Variants in CAMTA1 observed in about 807,000 individuals in gnomAD.
CAMTA1 encodes calmodulin binding transcription activator 1, also known as calmodulin-binding transcription activator 1.
CAMTA1 carries 27 observed loss-of-function variants against 170.9 expected under a neutral mutation model. The observed-to-expected ratio is 0.16, with a 90% CI of 0.12 to 0.22. The LOEUF (loss-of-function observed/expected upper bound fraction) is 0.22, where lower values mean the gene tolerates loss of function less well. CAMTA1 is among the 10% of genes least tolerant of loss of function. The pLI is 1.00. For synonymous variants in CAMTA1, 833 were observed against 891.5 expected, an observed-to-expected ratio of 0.93 and a Z score of 1.17; for missense variants, 1,619 against 2,217.2, an observed-to-expected ratio of 0.73 and a Z score of 5.42.
intron 6 of CAMTA1, among the ~76,000 whole-genome samples, chr1:7,558,498 TC>T: frequency 6.8e-6 from 1 of 148,060 alleles, no homozygotes; most frequent in South Asian, 2.1e-4. Context: ...GGCTCCCTTC[TC>T]CAGGGAAAAG....
chr1:7,074,473 A>G (rs1236800715), intron 3 of CAMTA1, among the ~76,000 whole-genome samples: 1 of 152,146 alleles, frequency 6.6e-6, no homozygotes, highest in African/African-American at 2.4e-5. Flanking sequence ...CCCAAATCCA[A>G]CTGCTGTTAA....
chr1:6,811,619 A>G (rs1291498699), intron 1 of CAMTA1, among the ~76,000 whole-genome samples: 2 of 152,196 alleles, frequency 1.3e-5, no homozygotes, highest in African/African-American at 2.4e-5. Context: ...ATAATGAAGC[A>G]TATTAGAGCT....
chr1:7,155,136 C>T (rs552659365), intron 4 of CAMTA1, among the ~76,000 whole-genome samples: 1 of 152,200 alleles, frequency 6.6e-6, no homozygotes, highest in South Asian at 2.1e-4. Flanking sequence ...CAGAGAGGTC[C>T]CTGGGAAGCC....
intron 3 of CAMTA1, among the ~76,000 whole-genome samples, chr1:7,086,903 G>T (rs887912778): frequency 6.6e-6 from 1 of 152,168 alleles, no homozygotes; most frequent in African/African-American, 2.4e-5. Flanking sequence ...TTGAGCACCT[G>T]TTTTCACTTC....
intron 5 of CAMTA1, among the ~76,000 whole-genome samples, chr1:7,425,046 A>G (rs2091802799): frequency 6.6e-6 from 1 of 151,984 alleles, no homozygotes; most frequent in South Asian, 2.1e-4. Flanking sequence ...AGCACTGCTT[A>G]TTTACTTTTG....
chr1:7,277,666 T>C (rs1308466588), intron 5 of CAMTA1, among the ~76,000 whole-genome samples: 1 of 152,258 alleles, frequency 6.6e-6, no homozygotes, highest in East Asian at 1.9e-4. Flanking sequence ...GAATTTATAT[T>C]TATTGTAGAA....
rs2095706573 is a variant in CAMTA1 at position 7,635,655 on chromosome 1, T to G, written c.511-4745T>G. On this transcript the variant is annotated intron_variant, in intron 6 of 22. Transcript: ENST00000303635. This position sits in a 1 kb window ranked among gnomAD's most constrained non-coding sequence, Gnocchi z 4.4. ...CAGGGCCCTGGCGGGGTCTGTCCCC[T>G]GCCGTGACTCTCAGATCCAGGCCCA... Among the ~76,000 whole-genome samples the G allele has an allele frequency of 6.7e-6, 1 of 150,284 alleles. No individual in the cohort carries two copies.
chr1:7,604,623 G>T (rs1036338143), intron 6 of CAMTA1, among the ~76,000 whole-genome samples: 1 of 151,998 alleles, frequency 6.6e-6, no homozygotes, highest in Non-Finnish European at 1.5e-5. Context: ...CCATGGGTTC[G>T]AACTTCCTCC....
Position 7,224,205 on chromosome 1 carries a change from T to A in CAMTA1, c.303-25286T>A, listed in dbSNP as rs1237211304. On this transcript the variant is annotated intron_variant, in intron 4 of 22. Transcript: ENST00000303635. This position sits in a 1 kb window ranked among gnomAD's most constrained non-coding sequence, Gnocchi z 5.2. Reference sequence around the variant, plus strand: ...ATGATGCTCTGCCAGGTGGAGGCCTTAGGTCTTGTCAGTCTCCTTTTACTG... The same window carrying A: ...ATGATGCTCTGCCAGGTGGAGGCCTAAGGTCTTGTCAGTCTCCTTTTACTG... 2.6e-5 allele frequency among the ~76,000 whole-genome samples: 4 copies of A among 152,190 alleles called. No homozygotes were observed. Among genetic ancestry groups the A allele is most frequent in the Admixed American group, 2.6e-4 (4 of 15,284 alleles).
At chr1:6,963,521 C>T (rs1220636919) in intron 3 of CAMTA1, among the ~76,000 whole-genome samples, 35 of 152,240 alleles carry the variant, frequency 2.3e-4, no homozygotes, top group Non-Finnish European at 8.8e-5. Flanking sequence ...GATTAAATGC[C>T]TCTAAAGGAG....
chr1:6,856,318 C>T (rs1430548986), intron 3 of CAMTA1, among the ~76,000 whole-genome samples: 2 of 145,304 alleles, frequency 1.4e-5, no homozygotes, highest in Non-Finnish European at 3.0e-5. Flanking sequence ...AATTATGATG[C>T]TTCCCCCTGC....
chr1:7,198,935 C>T (rs1263143766), intron 4 of CAMTA1, among the ~76,000 whole-genome samples: 2 of 152,184 alleles, frequency 1.3e-5, no homozygotes, highest in Non-Finnish European at 2.9e-5. Flanking sequence ...TTCTTCCCTA[C>T]TCCTGACCTT....
rs1194315986 is a variant in CAMTA1, at chr1:7,500,208, T to C, written c.510+32307T>C. Among the ~76,000 whole-genome samples the C allele has an allele frequency of 1.4e-3, 199 of 139,520 alleles. 2 individuals are homozygous for C. The highest frequency in any genetic ancestry group is 4.2e-3 in the Middle Eastern group (1 of 240). 91.5% of individuals were successfully genotyped at this position (139,520 alleles called of 152,430 possible). On this transcript the variant is annotated intron_variant, in intron 6 of 22. Transcript: ENST00000303635. ...GGATGGTGTGAGCCTGGTGTGCGTGTGTATGTATATGAGTGTATGTGTGTT... is the reference window on the plus strand; with the variant it reads ...GGATGGTGTGAGCCTGGTGTGCGTGCGTATGTATATGAGTGTATGTGTGTT...
rs975563646 is a variant in CAMTA1 at position 7,050,620 on chromosome 1, T to C, written c.235-40684T>C. Among the ~76,000 whole-genome samples, 12 of 152,010 alleles carry C rather than the reference T, an allele frequency of 7.9e-5. No individual in the cohort carries two copies. Among genetic ancestry groups the C allele is most frequent in the Non-Finnish European group, 1.8e-4 (12 of 67,996 alleles). ...TCGGCAGTACCAGGCTATTTGAACA[T>C]GTCTTTGTAGGTTTATCACCAAGGT... On this transcript the variant is annotated intron_variant, in intron 3 of 22. Coordinates refer to ENST00000303635, the MANE Select transcript of CAMTA1 (RefSeq NM_015215.4). This position sits in a 1 kb window ranked among gnomAD's most constrained non-coding sequence, Gnocchi z 4.8.
At chr1:7,087,577 T>C (rs1029829236) in intron 3 of CAMTA1, among the ~76,000 whole-genome samples, 12 of 152,130 alleles carry the variant, frequency 7.9e-5, no homozygotes, top group African/African-American at 2.7e-4. Flanking sequence ...TTCAGAGCAG[T>C]GGTGCAGAAT....
intron 6 of CAMTA1, among the ~76,000 whole-genome samples, chr1:7,536,373 G>T (rs186668895): frequency 6.6e-6 from 1 of 152,192 alleles, no homozygotes; most frequent in Admixed American, 6.5e-5. Flanking sequence ...ATCAAAGGAC[G>T]GGGAGGAGGT....
chr1:6,798,602 T>G (rs1466715879), intron 1 of CAMTA1, among the ~76,000 whole-genome samples: 10 of 96,390 alleles, frequency 1.0e-4, no homozygotes, highest in East Asian at 7.9e-4. Context: ...TTTTTTTTTT[T>G]TTTTTGAGAC....
chr1:6,788,748 C>T (rs894841383), intron 1 of CAMTA1, among the ~76,000 whole-genome samples: 1 of 151,914 alleles, frequency 6.6e-6, no homozygotes, highest in Non-Finnish European at 1.5e-5. Flanking sequence ...CCGTGCAAGG[C>T]GCAGTGGAAG....
chr1:6,941,921 C>CT (rs1416825348), intron 3 of CAMTA1, among the ~76,000 whole-genome samples: 1 of 152,214 alleles, frequency 6.6e-6, no homozygotes, highest in Non-Finnish European at 1.5e-5. Flanking sequence ...AATGCAGCCA[C>CT]TGAAGAGCCT....
Sources: allele counts gnomAD v4.1 joint callset (sites outside exome capture counted in the v4.1 genomes callset), GRCh38; gene constraint gnomAD v4.1.1; non-coding constraint Gnocchi (gnomAD v3.1); transcripts MANE v1.5; gene names NCBI Gene and HGNC (gene_info 2026-07-23, HGNC 2026-07-21).